Variants in PDE4D observed in about 807,000 individuals in gnomAD.
PDE4D encodes the protein phosphodiesterase 4D.
A neutral mutation model predicts 87.4 loss-of-function variants in PDE4D; 24 were observed. The ratio of observed to expected loss-of-function variants is 0.27; its 90% CI spans 0.20 to 0.39. PDE4D has a LOEUF of 0.39. Among genes scored for constraint, PDE4D ranks in the 10% least tolerant of loss-of-function variants. PDE4D has a pLI of 1.00. For synonymous variants in PDE4D, 384 were observed against 383.2 expected, an observed-to-expected ratio of 1.00 and a Z score of -0.02; for missense variants, 714 against 1,041.0, an observed-to-expected ratio of 0.69 and a Z score of 4.32.
chr5:59,401,965 C>G (rs903031677), intron 1 of PDE4D, among the ~76,000 whole-genome samples: 1 of 152,224 alleles, frequency 6.6e-6, no homozygotes, highest in Non-Finnish European at 1.5e-5. Flanking sequence ...CCTCACAACA[C>G]ATGTTCTGCC....
At chr5:60,126,116 A>G (rs1422024601) in intron 2 of PDE4D, among the ~76,000 whole-genome samples, 1 of 152,090 alleles carries the variant, frequency 6.6e-6, no homozygotes, top group Non-Finnish European at 1.5e-5. Flanking sequence ...AGCTTCAAGA[A>G]CAGCCTAAAT....
chr5:60,285,814 T>C (rs991484641), intron 1 of PDE4D, among the ~76,000 whole-genome samples: 5 of 152,214 alleles, frequency 3.3e-5, no homozygotes, highest in Non-Finnish European at 7.4e-5. Context: ...TTCAGGTCTA[T>C]TTGTACAAAC....
chr5:59,356,342 C>A (rs1163373183), intron 1 of PDE4D, among the ~76,000 whole-genome samples: 13 of 152,154 alleles, frequency 8.5e-5, no homozygotes, highest in Admixed American at 5.9e-4. Flanking sequence ...CTACCTGAAA[C>A]AGCATTAGTT....
At chr5:59,692,752 G>A (rs113985240) in intron 1 of PDE4D, among the ~76,000 whole-genome samples, 1 of 152,080 alleles carries the variant, frequency 6.6e-6, no homozygotes. Context: ...GCATTTAAAG[G>A]TTCTGGCATC....
intron 5 of PDE4D, among the ~76,000 whole-genome samples, chr5:59,169,083 T>C (rs1782348142): frequency 6.6e-6 from 1 of 151,996 alleles, no homozygotes; most frequent in Admixed American, 6.6e-5. Context: ...CTTTTTGATA[T>C]AACAAAAGAA....
intron 1 of PDE4D, among the ~76,000 whole-genome samples, chr5:59,773,409 A>G (rs1452503408): frequency 6.6e-6 from 1 of 152,166 alleles, no homozygotes; most frequent in Non-Finnish European, 1.5e-5. Flanking sequence ...GGAAAACAGT[A>G]GACACCTGGG....
At chr5:60,217,394 T>C (rs549838345) in intron 1 of PDE4D, among the ~76,000 whole-genome samples, 1 of 152,132 alleles carries the variant, frequency 6.6e-6, no homozygotes, top group Admixed American at 6.5e-5. Flanking sequence ...TACTTAAAAA[T>C]GGCCAAGATG....
At chr5:60,190,265 G>A (rs571236557) in intron 1 of PDE4D, among the ~76,000 whole-genome samples, 80 of 152,238 alleles carry the variant, frequency 5.3e-4, no homozygotes, top group African/African-American at 1.9e-3. Flanking sequence ...TTATTGCCTT[G>A]GGCTCTTAAA....
intron 1 of PDE4D, among the ~76,000 whole-genome samples, chr5:59,839,344 A>G (rs1005637027): frequency 2.0e-5 from 3 of 151,872 alleles, no homozygotes; most frequent in Non-Finnish European, 4.4e-5. Context: ...GTTATCTACC[A>G]ACAGTTGGGC....
intron 1 of PDE4D, among the ~76,000 whole-genome samples, chr5:59,439,986 A>AG (rs1241526211): frequency 6.6e-6 from 1 of 152,226 alleles, no homozygotes; most frequent in African/African-American, 2.4e-5. Flanking sequence ...CTGTCACCTG[A>AG]GAAAATAATC....
intron 1 of PDE4D, among the ~76,000 whole-genome samples, chr5:60,461,876 G>A (rs1435342688): frequency 2.6e-5 from 4 of 152,156 alleles, no homozygotes; most frequent in African/African-American, 9.7e-5. Flanking sequence ...TGAAGAATAC[G>A]CTGGACCTCA....
intron 1 of PDE4D, among the ~76,000 whole-genome samples, chr5:59,571,040 C>T (rs1821758417): frequency 1.3e-5 from 2 of 152,188 alleles, no homozygotes; most frequent in South Asian, 2.1e-4. Context: ...TCTTCATGTG[C>T]ACCATAACAT....
chr5:60,038,658 A>C (rs1464802592), intron 2 of PDE4D, among the ~76,000 whole-genome samples: 6 of 152,112 alleles, frequency 3.9e-5, no homozygotes, highest in East Asian at 3.9e-4. Context: ...CAACCTACAA[A>C]ATGGGAGAAA....
intron 1 of PDE4D, among the ~76,000 whole-genome samples, chr5:60,261,943 A>T (rs1749687505): frequency 6.6e-6 from 1 of 152,096 alleles, no homozygotes; most frequent in African/African-American, 2.4e-5. Context: ...GGCACTAATC[A>T]TGTCCCATAA....
chr5:60,424,161 G>T (rs945987137), intron 1 of PDE4D, among the ~76,000 whole-genome samples: 1 of 152,202 alleles, frequency 6.6e-6, no homozygotes, highest in Non-Finnish European at 1.5e-5. Context: ...AAAAGAAAAA[G>T]AGGGAATCCT....
intron 5 of PDE4D, among the ~76,000 whole-genome samples, chr5:59,122,882 T>C (rs749219796): frequency 6.6e-6 from 1 of 152,194 alleles, no homozygotes; most frequent in Non-Finnish European, 1.5e-5. Context: ...GAAGCCTTCA[T>C]TTCGAAACAG....
intron 1 of PDE4D, among the ~76,000 whole-genome samples, chr5:59,730,567 T>C (rs1757232327): frequency 6.6e-6 from 1 of 152,130 alleles, no homozygotes; most frequent in African/African-American, 2.4e-5. Flanking sequence ...CTATTTCAGA[T>C]CAAAACAGAA....
intron 1 of PDE4D, among the ~76,000 whole-genome samples, chr5:59,580,825 A>G (rs1470400498): frequency 6.6e-6 from 1 of 152,114 alleles, no homozygotes; most frequent in Non-Finnish European, 1.5e-5. Flanking sequence ...GTCACACAAA[A>G]CATTAACACT....
intron 1 of PDE4D, among the ~76,000 whole-genome samples, chr5:59,367,506 G>A (rs1391789548): frequency 1.3e-5 from 2 of 151,882 alleles, no homozygotes; most frequent in Non-Finnish European, 2.9e-5. Context: ...TTTCCCACCA[G>A]GAATTTTAGG....
Sources: allele counts gnomAD v4.1 joint callset (sites outside exome capture counted in the v4.1 genomes callset), GRCh38; gene constraint gnomAD v4.1.1; transcripts MANE v1.5; gene names NCBI Gene and HGNC (gene_info 2026-07-23, HGNC 2026-07-21).